Variants in SMARCD1 observed in about 807,000 individuals in gnomAD.
SMARCD1 encodes SWI/SNF related BAF chromatin remodeling complex subunit D1.
In SMARCD1, 16 loss-of-function variants were observed where a neutral mutation model predicts 70.8. That is an observed-to-expected ratio of 0.23 (90% CI 0.15 to 0.34). The LOEUF (loss-of-function observed/expected upper bound fraction) is 0.34, where lower values mean the gene tolerates loss of function less well. SMARCD1 is among the 10% of genes least tolerant of loss of function. The pLI is 1.00. For missense variants in SMARCD1, 409 were observed against 655.5 expected (o/e 0.62, Z 4.11); for synonymous variants, 249 against 246.0 (o/e 1.01, Z -0.11).
At position 50,086,040 on chromosome 12, in the gene SMARCD1, G is replaced by C. The variant is rs904748796; in HGVS notation, c.178-121G>C. On this transcript the variant is annotated intron_variant, in intron 1 of 12. Transcript: ENST00000394963. ...TGGAGCAAAGGGTTCTCCTCTCATT[G>C]TCCTCCATTCCATCCCTAAACCTTA... 1.0e-5 allele frequency: 7 copies of C among 690,286 alleles called. 1 individual carries two copies. Among genetic ancestry groups the C allele is most frequent in the Non-Finnish European group, 1.4e-5 (6 of 444,310 alleles). The allele number at this position is 690,286 out of a possible 1,614,324, so 42.8% of individuals were successfully genotyped here.
Position 50,100,595 on chromosome 12 carries a change from C to G in SMARCD1, c.*1595C>G, listed in dbSNP as rs988817450. On this transcript the variant is annotated 3_prime_UTR_variant, in exon 13 of 13. Coordinates refer to ENST00000394963, the MANE Select transcript of SMARCD1 (RefSeq NM_003076.5). ...TTCATGGACCAAACTTTTTTTTGTA[C>G]TGTCCCCTTATTGATGTTACCCAGT... 2 of 152,500 alleles carry G rather than the reference C, an allele frequency of 1.3e-5. No individual in the cohort carries two copies. Among genetic ancestry groups the G allele is most frequent in the African/African-American group, 4.8e-5 (2 of 41,394 alleles). 9.4% of individuals were successfully genotyped at this position (152,500 alleles called of 1,614,324 possible).
intron 9 of SMARCD1, among the ~76,000 whole-genome samples, chr12:50,091,495 G>C (rs1017886816): frequency 1.3e-5 from 2 of 151,098 alleles, no homozygotes; most frequent in Admixed American, 1.3e-4. Context: ...GGCTGGTCTT[G>C]AACTCCCGAC....
rs1050726 is a variant in SMARCD1 at position 50,089,937 on chromosome 12, G to A, written c.825G>A (p.Pro275=). ...CCGATGGCTTTCAGGTGAAGCGGCCGGGAGACGTGAATGTACGGTGTACTG... is the reference window on the plus strand; with the variant it reads ...CCGATGGCTTTCAGGTGAAGCGGCCAGGAGACGTGAATGTACGGTGTACTG... The part of the protein sequence containing the change: ...QETDGFQVKR[P]GDVNVRCTVL... Residue 275 remains proline (P), a synonymous_variant, in exon 7 of 13, where the codon CCG becomes CCA. Coordinates refer to ENST00000394963, the MANE Select transcript of SMARCD1 (RefSeq NM_003076.5). The A allele has an allele frequency of 7.3e-5, 118 of 1,614,030 alleles. No individual in the cohort carries two copies. The highest frequency in any genetic ancestry group is 9.0e-5 in the Non-Finnish European group (106 of 1,180,018).
chr12:50,087,369 C>A lies in SMARCD1; in HGVS notation c.538C>A (p.Arg180=), dbSNP rs566146066. The A allele has an allele frequency of 6.2e-7, 1 of 1,613,774 alleles. No homozygotes were observed. Among genetic ancestry groups the A allele is most frequent in the African/African-American group, 1.3e-5 (1 of 75,040 alleles). The change falls in exon 5 of 13, where the codon CGG becomes AGG. Residue 180 remains arginine, a synonymous_variant. Transcript: ENST00000394963. ...CTGTTTCTGCCTTCCTCAGCAAAAA[C>A]GGAAGCTGCGAATTTTCATTTCTAA... The part of the protein sequence containing the change: ...EALKRPIKQK[R]KLRIFISNTF...
At chr12:50,085,615 G>T in intron 1 of SMARCD1, 69 bp downstream of exon 1, 2 of 1,158,512 alleles carry the variant, frequency 1.7e-6, no homozygotes, top group Non-Finnish European at 2.2e-6. Context: ...GAGTGACAGG[G>T]GTGGGGGGAG....
At chr12:50,093,880 A>G (rs570130326) in intron 9 of SMARCD1, among the ~76,000 whole-genome samples, 2 of 152,240 alleles carry the variant, frequency 1.3e-5, no homozygotes, top group East Asian at 3.9e-4. Context: ...CCCGGGTTCA[A>G]GAGATTCTCC....
At chr12:50,089,101 A>G (rs1356359685) in intron 6 of SMARCD1, 1 of 152,270 alleles carries the variant, frequency 6.6e-6, no homozygotes, top group African/African-American at 2.4e-5. Flanking sequence ...ATTCCAATTC[A>G]CCAAAAATCC....
Position 50,086,143 on chromosome 12 carries a change from G to T in SMARCD1, c.178-18G>T. ...GCAGGTGAAACCATGACATCTCTGG[G>T]TCCTCTCCCCTCTGTAGAGACCAGG... On this transcript the variant is annotated intron_variant, in intron 1 of 12. Transcript: ENST00000394963. 1 of 1,475,060 alleles carries T rather than the reference G, an allele frequency of 6.8e-7. No homozygotes were observed. Among genetic ancestry groups the T allele is most frequent in the Admixed American group, 2.3e-5 (1 of 43,570 alleles). 91.4% of individuals were successfully genotyped at this position (1,475,060 alleles called of 1,614,324 possible). A position where few individuals can be genotyped will look rare whatever the true frequency, so the allele number is the denominator to read the frequency against.
chr12:50,089,473 T>G, intron 6 of SMARCD1: 1 of 164,666 alleles, frequency 6.1e-6, no homozygotes, highest in Non-Finnish European at 1.3e-5. Flanking sequence ...TTTATTATGC[T>G]GAGCATTAGT....
intron 9 of SMARCD1, among the ~76,000 whole-genome samples, chr12:50,090,793 C>T (rs1377757432): frequency 6.8e-6 from 1 of 147,872 alleles, no homozygotes; most frequent in African/African-American, 2.5e-5. Flanking sequence ...GTATAACTTC[C>T]TAATTATTAC....
rs769000303 is a variant in SMARCD1, at chr12:50,099,023, C to T, written c.*23C>T. ...TAGGGCCTCTCCCACAGCCCTGATT[C>T]GACTGCACCAATTCTTGATTTGGGC... On this transcript the variant is annotated 3_prime_UTR_variant, in exon 13 of 13. Coordinates refer to ENST00000394963, the MANE Select transcript of SMARCD1 (RefSeq NM_003076.5). 14 of 1,611,062 alleles carry T rather than the reference C, an allele frequency of 8.7e-6. No homozygotes were observed. The highest frequency in any genetic ancestry group is 1.7e-5 in the Admixed American group (1 of 59,992).
chr12:50,087,534 G>C, intron 5 of SMARCD1, 49 bp downstream of exon 5: 2 of 1,604,410 alleles, frequency 1.2e-6, no homozygotes, highest in Non-Finnish European at 1.7e-6. Flanking sequence ...GAGCTGCTGG[G>C]AATGAACAGT....
intron 10 of SMARCD1, among the ~76,000 whole-genome samples, chr12:50,096,146 T>G (rs1200294979): frequency 6.6e-6 from 1 of 152,136 alleles, no homozygotes; most frequent in African/African-American, 2.4e-5. Context: ...TAGATAGATT[T>G]GAGAGGTGTC....
At chr12:50,097,927 G>A (rs1032303556) in intron 11 of SMARCD1, among the ~76,000 whole-genome samples, 2 of 150,666 alleles carry the variant, frequency 1.3e-5, no homozygotes, top group Non-Finnish European at 3.0e-5. Context: ...TTATTAGACT[G>A]ACCAGGACCA....
At chr12:50,093,171 A>G (rs986587465) in intron 9 of SMARCD1, among the ~76,000 whole-genome samples, 2 of 151,708 alleles carry the variant, frequency 1.3e-5, no homozygotes, top group African/African-American at 4.8e-5. Context: ...GCAAGACTCC[A>G]TCTAAAAAAA....
chr12:50,085,620 G>C (rs1565737342), intron 1 of SMARCD1, 74 bp downstream of exon 1: 4 of 1,137,968 alleles, frequency 3.5e-6, no homozygotes, highest in Non-Finnish European at 4.4e-6. Flanking sequence ...ACAGGGGTGG[G>C]GGGAGAAGTA....
chr12:50,092,278 C>G (rs541161692), intron 9 of SMARCD1, among the ~76,000 whole-genome samples: 3 of 119,812 alleles, frequency 2.5e-5, no homozygotes, highest in African/African-American at 9.6e-5. Flanking sequence ...GAATCTCACT[C>G]TGTTGCACAA....
Position 50,099,430 on chromosome 12 carries a change from C to T in SMARCD1, c.*430C>T. 3 of 418,438 alleles carry T rather than the reference C, an allele frequency of 7.2e-6. No homozygotes were observed. The highest frequency in any genetic ancestry group is 1.3e-5 in the Non-Finnish European group (3 of 237,370). The allele number at this position is 418,438 out of a possible 1,614,324, so 25.9% of individuals were successfully genotyped here. A position where few individuals can be genotyped will look rare whatever the true frequency, so the allele number is the denominator to read the frequency against. ...CTCAGGCCTGTGGGCACTCTATAAG[C>T]TAGTTGATCTTGGCTCTCCTGATAA... On this transcript the variant is annotated 3_prime_UTR_variant, in exon 13 of 13. Coordinates refer to ENST00000394963, the MANE Select transcript of SMARCD1 (RefSeq NM_003076.5).
chr12:50,086,724 C>T (rs750857971), intron 3 of SMARCD1, 32 bp from the exon 4 acceptor site: 7 of 1,613,782 alleles, frequency 4.3e-6, no homozygotes, highest in East Asian at 4.5e-5. Flanking sequence ...AGATGATCAT[C>T]CTAGATTTCA....
Sources: gnomAD v4.1 joint callset for allele counts (sites outside exome capture counted in the v4.1 genomes callset) on GRCh38, gnomAD v4.1.1 for gene constraint, MANE v1.5 for transcripts, NCBI Gene and HGNC (gene_info 2026-07-23, HGNC 2026-07-21) for gene names.